The following SLC38A9 variants were observed in gnomAD, a reference collection of about 807,000 sequenced individuals.
The protein encoded by SLC38A9 is solute carrier family 38 member 9.
In SLC38A9, 48 loss-of-function variants were observed where a neutral mutation model predicts 62.3. That is an observed-to-expected ratio of 0.77 (90% CI 0.61 to 0.98). The LOEUF is 0.98. Ranked by LOEUF, SLC38A9 falls within the 50% of genes least tolerant of loss-of-function variation. The pLI is 0.00. For synonymous variants in SLC38A9, 204 were observed against 227.7 expected (o/e 0.90, Z 0.94); for missense variants, 541 against 679.8 (o/e 0.80, Z 2.27).
intron 2 of SLC38A9, among the ~76,000 whole-genome samples, chr5:55,700,213 C>T (rs1448336612): frequency 2.6e-5 from 4 of 151,720 alleles, no homozygotes; most frequent in Non-Finnish European, 5.9e-5. Context: ...TGGTTGTGGG[C>T]GCCTGTAATT....
chr5:55,634,290 G>A (rs183215420), intron 13 of SLC38A9: 25 of 157,150 alleles, frequency 1.6e-4, no homozygotes, highest in Admixed American at 5.1e-4. Context: ...TTAATTCAGT[G>A]TTATTTTACC....
intron 3 of SLC38A9, among the ~76,000 whole-genome samples, chr5:55,689,694 C>G (rs1211389903): frequency 6.6e-6 from 1 of 152,182 alleles, no homozygotes; most frequent in African/African-American, 2.4e-5. Flanking sequence ...TCAAACCCAA[C>G]GAGGCTCCCT....
chr5:55,694,701 C>T lies in SLC38A9; in HGVS notation c.113+3145G>A, dbSNP rs189101358. 5.8e-3 allele frequency among the ~76,000 whole-genome samples: 869 copies of T among 150,430 alleles called. 12 individuals carry two copies. Among genetic ancestry groups the T allele is most frequent in the African/African-American group, 0.021 (844 of 40,814 alleles). On this transcript the variant is annotated intron_variant, in intron 3 of 15. Transcript: ENST00000396865. ...CCTTTTCCCTTTTCCCTTCCCTTCC[C>T]TTCCCCTCCCCTCCCCTCCCCTCCG...
intron 13 of SLC38A9, chr5:55,635,185 C>CCT (rs1744140499): frequency 8.9e-6 from 2 of 225,920 alleles, no homozygotes; most frequent in Non-Finnish European, 8.8e-6. Context: ...TCAATGTATT[C>CCT]TCTGTGGTTT....
At chr5:55,676,020 C>T (rs951445572) in intron 3 of SLC38A9, among the ~76,000 whole-genome samples, 5 of 152,010 alleles carry the variant, frequency 3.3e-5, no homozygotes, top group African/African-American at 1.2e-4. Flanking sequence ...TATTATAAAG[C>T]GTAGGGAAAT....
chr5:55,698,703 C>A (rs1203157507), intron 2 of SLC38A9, among the ~76,000 whole-genome samples: 1 of 152,180 alleles, frequency 6.6e-6, no homozygotes, highest in African/African-American at 2.4e-5. Context: ...AAGGCTGAGG[C>A]AGATCGCTTG....
At chr5:55,642,017 AT>A (rs1458445758) in intron 12 of SLC38A9, among the ~76,000 whole-genome samples, 1 of 152,176 alleles carries the variant, frequency 6.6e-6, no homozygotes, top group Non-Finnish European at 1.5e-5. Flanking sequence ...AATCTAACTC[AT>A]TTTGAGCCCT....
chr5:55,635,534 G>A lies in SLC38A9; in HGVS notation c.1281+10C>T, dbSNP rs778112362. Reference sequence around the variant, plus strand: ...ACACAATCACACAGAGAGGGTACACGGTGCCTTACCTGCTCAATACAATCT... The same window carrying A: ...ACACAATCACACAGAGAGGGTACACAGTGCCTTACCTGCTCAATACAATCT... On this transcript the variant is annotated intron_variant, in intron 13 of 15. Transcript: ENST00000396865. 44 of 1,575,252 alleles carry A rather than the reference G, an allele frequency of 2.8e-5. No individual in the cohort carries two copies. The highest frequency in any genetic ancestry group is 9.0e-5 in the East Asian group (4 of 44,664).
At chr5:55,636,577 A>G (rs554989211) in intron 12 of SLC38A9, among the ~76,000 whole-genome samples, 1 of 152,348 alleles carries the variant, frequency 6.6e-6, no homozygotes, top group African/African-American at 2.4e-5. Flanking sequence ...ACTTAAAAAC[A>G]TTTGATAGCA....
intron 3 of SLC38A9, among the ~76,000 whole-genome samples, chr5:55,682,956 A>C (rs1053655855): frequency 1.3e-5 from 2 of 149,440 alleles, no homozygotes; most frequent in East Asian, 2.0e-4. Flanking sequence ...AGAAGGAAGG[A>C]AGGCAGGCAG....
chr5:55,698,161 T>C (rs546895030), intron 2 of SLC38A9, among the ~76,000 whole-genome samples, 169 bp from the exon 3 acceptor site: 1 of 152,144 alleles, frequency 6.6e-6, no homozygotes, highest in East Asian at 1.9e-4. Flanking sequence ...TTAAATGGAG[T>C]TATTTCTTGT....
intron 3 of SLC38A9, among the ~76,000 whole-genome samples, chr5:55,673,709 CTTTTTTTTT>C (rs201596512): frequency 7.8e-6 from 1 of 127,602 alleles, no homozygotes; most frequent in Non-Finnish European, 1.7e-5. Flanking sequence ...TTAATCTAAT[CTTTTTTTTT>C]TTTTTTTTTT....
chr5:55,696,357 A>C (rs1325501567), intron 3 of SLC38A9: 4 of 31,924 alleles, frequency 1.3e-4, no homozygotes, highest in Non-Finnish European at 2.2e-4. Context: ...TGACCCCCCC[A>C]CCTCCCTCCC....
At chr5:55,704,036 TGCTCACCTAC>T (rs1280126665) in intron 2 of SLC38A9, 1 of 152,168 alleles carries the variant, frequency 6.6e-6, no homozygotes, top group African/African-American at 2.4e-5. Flanking sequence ...GGCATGGTGG[TGCTCACCTAC>T]AGTCCCAGCT....
At chr5:55,660,669 T>C (rs1306102772) in intron 8 of SLC38A9, among the ~76,000 whole-genome samples, 1 of 152,170 alleles carries the variant, frequency 6.6e-6, no homozygotes, top group Non-Finnish European at 1.5e-5. Context: ...GTCTTCTTAA[T>C]GGATGTTACT....
At chr5:55,659,989 G>A (rs34050377) in intron 8 of SLC38A9, among the ~76,000 whole-genome samples, 90,010 of 150,092 alleles carry the variant, frequency 0.6, 27,484 homozygotes, top group South Asian at 0.7. Flanking sequence ...GATGGTCTCG[G>A]TCTCCTGACC....
chr5:55,639,138 T>C (rs1744969877), intron 12 of SLC38A9, among the ~76,000 whole-genome samples: 2 of 152,056 alleles, frequency 1.3e-5, no homozygotes, highest in African/African-American at 4.8e-5. Context: ...CCAGACGTGG[T>C]GGTACATGCC....
chr5:55,704,801 A>G (rs1252611726), intron 2 of SLC38A9, among the ~76,000 whole-genome samples: 2 of 152,338 alleles, frequency 1.3e-5, no homozygotes, highest in East Asian at 1.9e-4. Context: ...ATAGCTCACA[A>G]GTAAGATTGC....
chr5:55,678,563 T>C (rs1752523935), intron 3 of SLC38A9, among the ~76,000 whole-genome samples: 1 of 151,236 alleles, frequency 6.6e-6, no homozygotes, highest in African/African-American at 2.4e-5. Context: ...AAGAATTGAA[T>C]GATATTATGG....
Sources: gnomAD v4.1 joint callset for allele counts (sites outside exome capture counted in the v4.1 genomes callset) on GRCh38, gnomAD v4.1.1 for gene constraint, MANE v1.5 for transcripts, NCBI Gene and HGNC (gene_info 2026-07-23, HGNC 2026-07-21) for gene names.